The following GTF2H5 variants were observed in gnomAD, a reference collection of about 807,000 sequenced individuals.
GTF2H5 encodes the protein TFB5 ortholog.
A neutral mutation model predicts 7.1 loss-of-function variants in GTF2H5; 5 were observed. That is an observed-to-expected ratio of 0.71 (90% CI 0.37 to 1.49). GTF2H5 has a LOEUF of 1.49. GTF2H5 is among the 40% of genes most tolerant of loss of function. The probability of loss-of-function intolerance (pLI) is 0.03; values close to 1 mark genes in which losing one functional copy is unlikely to be tolerated. For missense variants in GTF2H5, 80 were observed against 83.0 expected, an observed-to-expected ratio of 0.96 and a Z score of 0.14; for synonymous variants, 30 against 31.7, an observed-to-expected ratio of 0.95 and a Z score of 0.18.
chr6:158,173,888 GT>G (rs1414716131), intron 2 of GTF2H5, among the ~76,000 whole-genome samples: 1 of 152,210 alleles, frequency 6.6e-6, no homozygotes, highest in Non-Finnish European at 1.5e-5. Flanking sequence ...TTATTCGTGA[GT>G]TTTCTGGAAA....
intron 2 of GTF2H5, among the ~76,000 whole-genome samples, chr6:158,171,319 CT>C (rs1158143153): frequency 3.0e-4 from 46 of 152,308 alleles, no homozygotes; most frequent in African/African-American, 1.0e-3. Flanking sequence ...CATACTAAGT[CT>C]TCAAAAAAAT....
At chr6:158,188,495 C>T (rs145402335) in intron 2 of GTF2H5, among the ~76,000 whole-genome samples, 95 of 152,306 alleles carry the variant, frequency 6.2e-4, no homozygotes, top group African/African-American at 2.2e-3. Context: ...ATCAACCCCA[C>T]GTTCCTTCTA....
chr6:158,169,705 T>TTATATATTATATAATATAA (rs1554267129), intron 1 of GTF2H5, among the ~76,000 whole-genome samples: 1 of 82,734 alleles, frequency 1.2e-5, no homozygotes, highest in Non-Finnish European at 2.2e-5. Context: ...ATATAATATA[T>TTATATATTATATAATATAA]TGTATATTAT....
intron 2 of GTF2H5, among the ~76,000 whole-genome samples, chr6:158,173,685 G>T (rs1244481984): frequency 6.6e-6 from 1 of 150,778 alleles, no homozygotes; most frequent in Non-Finnish European, 1.5e-5. Context: ...AGCCAAGTTG[G>T]TTTTTGGCTT....
At position 158,196,840 on chromosome 6, in the gene GTF2H5, T is replaced by C. The variant is rs1043177696; in HGVS notation, c.*4683T>C. 1 of 152,352 alleles carries C rather than the reference T, an allele frequency of 6.6e-6. No homozygotes were observed. Among genetic ancestry groups the C allele is most frequent in the Admixed American group, 6.5e-5 (1 of 15,306 alleles). 9.4% of individuals were successfully genotyped at this position (152,352 alleles called of 1,614,324 possible). ...TACAGCAGCAGACCATGCCACTTCG[T>C]GAGGAAAAAATTATCTCATTCATGC... On this transcript the variant is annotated 3_prime_UTR_variant, in exon 3 of 3. Coordinates refer to ENST00000607778, the MANE Select transcript of GTF2H5 (RefSeq NM_207118.3).
chr6:158,171,047 C>T (rs1785848575), intron 2 of GTF2H5, among the ~76,000 whole-genome samples: 2 of 152,188 alleles, frequency 1.3e-5, no homozygotes, highest in Admixed American at 1.3e-4. Flanking sequence ...GAAAATACTA[C>T]TGTCTACTTT....
intron 2 of GTF2H5, among the ~76,000 whole-genome samples, chr6:158,172,845 AC>A (rs1785875998): frequency 1.3e-5 from 2 of 152,150 alleles, no homozygotes; most frequent in Non-Finnish European, 2.9e-5. Flanking sequence ...CATTAAACCT[AC>A]GTTTTAATTT....
In GTF2H5 at chr6:158,169,737, A is replaced by G. The variant is rs1174336927; in HGVS notation, c.-34-733A>G. On this transcript the variant is annotated intron_variant, in intron 1 of 2. Coordinates refer to ENST00000607778, the MANE Select transcript of GTF2H5 (RefSeq NM_207118.3). ...TTATATATTATATAATATATTGTATATTATATATTATATAATATATTGTAT... is the reference window on the plus strand; with the variant it reads ...TTATATATTATATAATATATTGTATGTTATATATTATATAATATATTGTAT... Among the ~76,000 whole-genome samples the G allele has an allele frequency of 3.0e-5, 3 of 100,460 alleles. 1 individual carries two copies. Among genetic ancestry groups the G allele is most frequent in the African/African-American group, 4.5e-5 (1 of 22,166 alleles). 65.9% of individuals were successfully genotyped at this position (100,460 alleles called of 152,430 possible).
At chr6:158,169,728 ATATTG>A (rs1785802501) in intron 1 of GTF2H5, among the ~76,000 whole-genome samples, 1 of 85,316 alleles carries the variant, frequency 1.2e-5, no homozygotes, top group Non-Finnish European at 2.2e-5. Flanking sequence ...ATTATATAAT[ATATTG>A]TATATTATAT....
chr6:158,177,920 A>G (rs1785954605), intron 2 of GTF2H5, among the ~76,000 whole-genome samples: 1 of 152,174 alleles, frequency 6.6e-6, no homozygotes, highest in South Asian at 2.1e-4. Context: ...TTATGACTGC[A>G]TAGTATTCCG....
intron 1 of GTF2H5, among the ~76,000 whole-genome samples, chr6:158,168,962 G>T (rs754847910): frequency 1.3e-5 from 2 of 152,062 alleles, no homozygotes; most frequent in Non-Finnish European, 2.9e-5. Context: ...GGCCTGGCGC[G>T]GTGGCTCACA....
At chr6:158,188,489 A>C (rs1188683373) in intron 2 of GTF2H5, among the ~76,000 whole-genome samples, 1 of 152,088 alleles carries the variant, frequency 6.6e-6, no homozygotes, top group Non-Finnish European at 1.5e-5. Context: ...TGCTTCATCA[A>C]CCCCACGTTC....
chr6:158,188,043 T>C (rs567492741), intron 2 of GTF2H5, among the ~76,000 whole-genome samples: 1 of 152,086 alleles, frequency 6.6e-6, no homozygotes, highest in Non-Finnish European at 1.5e-5. Flanking sequence ...GGGGGTGGGG[T>C]GCTTAGAACT....
chr6:158,175,289 G>A (rs572769734), intron 2 of GTF2H5, among the ~76,000 whole-genome samples: 1 of 152,190 alleles, frequency 6.6e-6, no homozygotes, highest in South Asian at 2.1e-4. Flanking sequence ...TTAGCATGTT[G>A]TATATCAAAA....
intron 2 of GTF2H5, among the ~76,000 whole-genome samples, chr6:158,174,465 G>A (rs1428311119): frequency 6.6e-6 from 1 of 151,982 alleles, no homozygotes; most frequent in African/African-American, 2.4e-5. Context: ...AACTCCCAAG[G>A]GCTTATCAAA....
chr6:158,187,241 C>G (rs1776944194), intron 2 of GTF2H5, among the ~76,000 whole-genome samples: 1 of 151,964 alleles, frequency 6.6e-6, no homozygotes, highest in African/African-American at 2.4e-5. Context: ...GGTGATCCAC[C>G]CACCTCAGCC....
chr6:158,186,756 G>A (rs1236793299), intron 2 of GTF2H5, among the ~76,000 whole-genome samples: 1 of 152,198 alleles, frequency 6.6e-6, no homozygotes, highest in Non-Finnish European at 1.5e-5. Flanking sequence ...TGGAAAGGCA[G>A]GACAACTCAA....
chr6:158,171,789 T>C (rs777020185), intron 2 of GTF2H5, among the ~76,000 whole-genome samples: 7 of 152,162 alleles, frequency 4.6e-5, no homozygotes, highest in Non-Finnish European at 8.8e-5. Flanking sequence ...TTCTTGCTAT[T>C]TTTATTTTAA....
chr6:158,197,760 T>C lies in GTF2H5; in HGVS notation c.*5603T>C, dbSNP rs1777135270. ...AAGCAAGGGCAGTTTAGCTAGAATT[T>C]CTATCAAAAATCATTAGGTATCCAT... On this transcript the variant is annotated 3_prime_UTR_variant, in exon 3 of 3. Coordinates refer to ENST00000607778, the MANE Select transcript of GTF2H5 (RefSeq NM_207118.3). The C allele has an allele frequency of 6.6e-6, 1 of 152,138 alleles. No individual in the cohort carries two copies. Among genetic ancestry groups the C allele is most frequent in the African/African-American group, 2.4e-5 (1 of 41,420 alleles). 9.4% of individuals were successfully genotyped at this position (152,138 alleles called of 1,614,324 possible).
Sources: allele counts gnomAD v4.1 joint callset (sites outside exome capture counted in the v4.1 genomes callset), GRCh38; gene constraint gnomAD v4.1.1; transcripts MANE v1.5; gene names NCBI Gene and HGNC (gene_info 2026-07-23, HGNC 2026-07-21).